The following AFAP1L2 variants were observed in gnomAD, a reference collection of about 807,000 sequenced individuals.
The protein encoded by AFAP1L2 is actin filament-associated protein 1-like 2.
In AFAP1L2, 46 loss-of-function variants were observed where a neutral mutation model predicts 99.3. The ratio of observed to expected loss-of-function variants is 0.46; its 90% confidence interval spans 0.37 to 0.59. AFAP1L2 has a LOEUF of 0.59. Among genes scored for constraint, AFAP1L2 ranks in the 20% least tolerant of loss-of-function variants. The pLI is 0.00. For synonymous variants in AFAP1L2, 397 were observed against 419.1 expected, an observed-to-expected ratio of 0.95 and a Z score of 0.64; for missense variants, 959 against 1,034.9, an observed-to-expected ratio of 0.93 and a Z score of 1.01.
upstream of AFAP1L2, chr10:114,404,573 C>T (rs574548045): frequency 4.5e-6 from 6 of 1,343,340 alleles, no homozygotes; most frequent in East Asian, 1.9e-4. Context: ...GCGGCCGGAC[C>T]TCCTGGCGGG....
At chr10:114,342,135 T>G (rs1306576631) in intron 1 of AFAP1L2, among the ~76,000 whole-genome samples, 2 of 152,230 alleles carry the variant, frequency 1.3e-5, no homozygotes, top group Non-Finnish European at 2.9e-5. Flanking sequence ...AGCTGCTGAT[T>G]GCTTTCAGGT....
intron 16 of AFAP1L2, among the ~76,000 whole-genome samples, chr10:114,298,031 G>A (rs989962345): frequency 6.6e-5 from 10 of 152,186 alleles, no homozygotes; most frequent in Non-Finnish European, 1.3e-4. Context: ...TCTCTAAAGA[G>A]GGAAGGAAAA....
rs1479894272 is a variant in AFAP1L2, at chr10:114,307,803, A to G, written c.1072+2T>C. 3 of 1,612,858 alleles carry G rather than the reference A, an allele frequency of 1.9e-6. No homozygotes were observed. The highest frequency in any genetic ancestry group is 2.5e-6 in the Non-Finnish European group (3 of 1,179,034). On this transcript the variant is annotated splice_donor_variant, in intron 10 of 18. Coordinates refer to ENST00000304129, the MANE Select transcript of AFAP1L2 (RefSeq NM_001001936.3). LOFTEE classifies it high-confidence loss of function. ...GGTCCCGGAGGTAGCTACAATTCTT[A>G]CTGGATGTCTCGAGGGACCTCTCCA...
At chr10:114,310,492 C>G in intron 7 of AFAP1L2, 49 bp from the exon 8 acceptor site, 1 of 1,545,776 alleles carries the variant, frequency 6.5e-7, no homozygotes, top group Non-Finnish European at 8.8e-7. Context: ...CTCTGGCCAG[C>G]ACTCACAGCC....
chr10:114,380,220 TG>T (rs2055424369), intron 1 of AFAP1L2, among the ~76,000 whole-genome samples: 2 of 152,194 alleles, frequency 1.3e-5, no homozygotes, highest in Admixed American at 1.3e-4. Flanking sequence ...ATGGCTCCAG[TG>T]AACACATTAA....
chr10:114,404,540 C>A, upstream of AFAP1L2: 2 of 1,464,104 alleles, frequency 1.4e-6, no homozygotes, highest in Admixed American at 4.8e-5. Context: ...GCCGCGCTGG[C>A]CCCTCCCCGT....
At chr10:114,316,364 G>A (rs1209254416) in intron 5 of AFAP1L2, among the ~76,000 whole-genome samples, 2 of 152,192 alleles carry the variant, frequency 1.3e-5, no homozygotes, top group African/African-American at 4.8e-5. Flanking sequence ...AACCACAGCA[G>A]GAAACACTTT....
intron 1 of AFAP1L2, among the ~76,000 whole-genome samples, chr10:114,392,447 G>A (rs1590841671): frequency 6.6e-6 from 1 of 152,276 alleles, no homozygotes; most frequent in Admixed American, 6.5e-5. Context: ...CTATCAAGGT[G>A]GATAAGAGAT....
chr10:114,312,067 T>C (rs1302667706), intron 7 of AFAP1L2, among the ~76,000 whole-genome samples: 2 of 152,120 alleles, frequency 1.3e-5, no homozygotes, highest in Non-Finnish European at 2.9e-5. Context: ...AGAAAGTCTG[T>C]GCCTGCTGAA....
chr10:114,318,739 T>TAAAAAAAA (rs1354030131), intron 5 of AFAP1L2, among the ~76,000 whole-genome samples: 5 of 91,070 alleles, frequency 5.5e-5, no homozygotes, highest in East Asian at 4.6e-4. Flanking sequence ...AGACTCTGTC[T>TAAAAAAAA]AAAAAAAAGA....
intron 7 of AFAP1L2, among the ~76,000 whole-genome samples, chr10:114,313,327 C>G (rs1429627934): frequency 2.0e-5 from 3 of 152,146 alleles, no homozygotes; most frequent in Non-Finnish European, 4.4e-5. Flanking sequence ...TAATCACACC[C>G]AGGGACGCGT....
At chr10:114,291,250 C>T, downstream of AFAP1L2, 2 of 1,550,086 alleles carry the variant, frequency 1.3e-6, no homozygotes, top group East Asian at 2.4e-5. Context: ...CACATGGCTC[C>T]CGTGCAGGAG....
At chr10:114,305,458 GGTGC>G (rs2134212536) in intron 10 of AFAP1L2, among the ~76,000 whole-genome samples, 2 of 147,284 alleles carry the variant, frequency 1.4e-5, no homozygotes, top group South Asian at 2.2e-4. Flanking sequence ...AGGGGACGCA[GGTGC>G]AGGAGGGGAC....
At chr10:114,365,731 T>TG (rs912693439) in intron 1 of AFAP1L2, among the ~76,000 whole-genome samples, 28 of 115,018 alleles carry the variant, frequency 2.4e-4, no homozygotes, top group Non-Finnish European at 1.1e-4. Context: ...CTCTTTTTTT[T>TG]TTTTTTTCTT....
At chr10:114,302,965 T>G (rs1589956918) in intron 11 of AFAP1L2, among the ~76,000 whole-genome samples, 1 of 152,354 alleles carries the variant, frequency 6.6e-6, no homozygotes, top group Admixed American at 6.5e-5. Context: ...AAATTTATTT[T>G]GTTCATGGCT....
At chr10:114,389,004 C>A (rs554441036) in intron 1 of AFAP1L2, among the ~76,000 whole-genome samples, 1 of 152,316 alleles carries the variant, frequency 6.6e-6, no homozygotes, top group South Asian at 2.1e-4. Flanking sequence ...AACAGTGACA[C>A]CACCAGTGCC....
chr10:114,323,078 A>T, intron 5 of AFAP1L2, 93 bp downstream of exon 5: 2 of 1,153,412 alleles, frequency 1.7e-6, no homozygotes, highest in African/African-American at 3.1e-5. Context: ...CCAGCCCAGG[A>T]TGAGTGTATC....
intron 1 of AFAP1L2, among the ~76,000 whole-genome samples, chr10:114,347,428 G>A (rs548642488): frequency 1.4e-4 from 22 of 152,240 alleles, no homozygotes; most frequent in South Asian, 2.1e-4. Context: ...TCTACTATAC[G>A]TCTGGCCTGT....
rs2040110705 is a variant in AFAP1L2, at chr10:114,295,751, A to G, written c.*291T>C. On this transcript the variant is annotated 3_prime_UTR_variant, in exon 19 of 19. Transcript: ENST00000304129. The stretch of plus-strand genomic sequence containing the variant: ...ACTATTTAAAAATCTTAGTAAAGCA[A>G]TTGATGACAACTTCAAAAAAGAAAG... 8.7e-7 allele frequency: 1 copy of G among 1,150,582 alleles called. No homozygotes were observed. The highest frequency in any genetic ancestry group is 1.6e-5 in the African/African-American group (1 of 62,484). The allele number at this position is 1,150,582 out of a possible 1,614,324, so 71.3% of individuals were successfully genotyped here.
Sources: gnomAD v4.1 joint callset for allele counts (sites outside exome capture counted in the v4.1 genomes callset) on GRCh38, gnomAD v4.1.1 for gene constraint, MANE v1.5 for transcripts, NCBI Gene and HGNC (gene_info 2026-07-23, HGNC 2026-07-21) for gene names.